PCNX4: variants seen among roughly 807,000 people sequenced by gnomAD.
PCNX4 encodes pecanex-like protein 4.
Under a neutral mutation model 107.2 loss-of-function variants are expected in PCNX4, and 103 were observed. The ratio of observed to expected loss-of-function variants is 0.96; its 90% confidence interval spans 0.82 to 1.13. PCNX4 has a LOEUF of 1.13. PCNX4 is among the 50% of genes most tolerant of loss of function. The probability of loss-of-function intolerance (pLI) is 0.00; values close to 1 mark genes in which losing one functional copy is unlikely to be tolerated. For missense variants in PCNX4, 1,528 were observed against 1,379.4 expected, an observed-to-expected ratio of 1.11 and a Z score of -1.71; for synonymous variants, 541 against 481.7, an observed-to-expected ratio of 1.12 and a Z score of -1.61.
At chr14:60,105,640 T>C (rs149609048) in intron 1 of PCNX4, among the ~76,000 whole-genome samples, 291 of 152,334 alleles carry the variant, frequency 1.9e-3, no homozygotes, top group Middle Eastern at 0.014. Context: ...TACTGCACTG[T>C]TTGGAATATA....
rs372871116 is a variant in PCNX4, at chr14:60,134,223, G to T, written c.*2G>T. ...CCTCTCCACATACATTTGTATTAGA[G>T]CTCATTTTGACTGTAATGTCATCAA... On this transcript the variant is annotated 3_prime_UTR_variant, in exon 11 of 11. Transcript: ENST00000406854. The T allele has an allele frequency of 6.8e-6, 11 of 1,612,392 alleles. No individual in the cohort carries two copies. The highest frequency in any genetic ancestry group is 9.3e-6 in the Non-Finnish European group (11 of 1,179,032).
At chr14:60,123,855 T>C (rs550887782) in intron 8 of PCNX4, among the ~76,000 whole-genome samples, 123 of 152,276 alleles carry the variant, frequency 8.1e-4, no homozygotes, top group African/African-American at 2.8e-3. Flanking sequence ...TACTGTATAA[T>C]TCTAATTTTG....
At chr14:60,103,273 G>C (rs1895567282) in intron 1 of PCNX4, among the ~76,000 whole-genome samples, 1 of 152,126 alleles carries the variant, frequency 6.6e-6, no homozygotes, top group African/African-American at 2.4e-5. Flanking sequence ...TCTGTTACTA[G>C]ATATCATGGG....
intron 1 of PCNX4, among the ~76,000 whole-genome samples, chr14:60,102,027 A>G (rs1895541829): frequency 6.6e-6 from 1 of 152,180 alleles, no homozygotes; most frequent in Non-Finnish European, 1.5e-5. Context: ...AAATAGACTA[A>G]CTCTAAATCA....
chr14:60,142,795 C>G lies in PCNX4; in HGVS notation c.*8574C>G, dbSNP rs1235616664. ...CTGGCCAACATGGTGAAACCCCCGTCTCTACTAAAAATACAAAACTTAGCC... is the reference window on the plus strand; with the variant it reads ...CTGGCCAACATGGTGAAACCCCCGTGTCTACTAAAAATACAAAACTTAGCC... On this transcript the variant is annotated 3_prime_UTR_variant, in exon 11 of 11. Transcript: ENST00000406854. The surrounding 1 kb of genome is among the most constrained non-coding windows in gnomAD (Gnocchi z 4.7). The G allele has an allele frequency of 1.3e-5, 2 of 152,264 alleles. No individual in the cohort carries two copies. Among genetic ancestry groups the G allele is most frequent in the Non-Finnish European group, 2.9e-5 (2 of 68,186 alleles). The allele number at this position is 152,264 out of a possible 1,614,324, so 9.4% of individuals were successfully genotyped here. A position where few individuals can be genotyped will look rare whatever the true frequency, so the allele number is the denominator to read the frequency against.
In PCNX4 at chr14:60,134,308, C is replaced by T; in HGVS notation, c.*87C>T. 6.8e-7 allele frequency: 1 copy of T among 1,472,090 alleles called. No individual in the cohort carries two copies. Among genetic ancestry groups the T allele is most frequent in the East Asian group, 2.3e-5 (1 of 44,138 alleles). 91.2% of individuals were successfully genotyped at this position (1,472,090 alleles called of 1,614,324 possible). A position where few individuals can be genotyped will look rare whatever the true frequency, so the allele number is the denominator to read the frequency against. On this transcript the variant is annotated 3_prime_UTR_variant, in exon 11 of 11. Transcript: ENST00000406854. ...AACTGTGATTCTTGTAACTTGAGGA[C>T]TTCTCCACACCCCCATTCAGATGCC...
At chr14:60,106,054 G>A (rs1193461543) in intron 1 of PCNX4, among the ~76,000 whole-genome samples, 1 of 152,032 alleles carries the variant, frequency 6.6e-6, no homozygotes, top group Admixed American at 6.6e-5. Context: ...TGAGCCTGAC[G>A]TCAGTGCAGG....
rs960371068 is a variant in PCNX4 at position 60,145,138 on chromosome 14, G to A, written c.*10917G>A. 5 of 632,138 alleles carry A rather than the reference G, an allele frequency of 7.9e-6. No individual in the cohort carries two copies. Among genetic ancestry groups the A allele is most frequent in the African/African-American group, 7.6e-5 (4 of 52,656 alleles). 39.2% of individuals were successfully genotyped at this position (632,138 alleles called of 1,614,324 possible). ...TTCACTATTAAGAATCTTTACAAAA[G>A]TTCAGAAACTGCTTAAATTAGAATT... On this transcript the variant is annotated 3_prime_UTR_variant, in exon 11 of 11. Coordinates refer to ENST00000406854, the MANE Select transcript of PCNX4 (RefSeq NM_001330177.2). This position sits in a 1 kb window ranked among gnomAD's most constrained non-coding sequence, Gnocchi z 4.0.
chr14:60,140,214 G>T lies in PCNX4; in HGVS notation c.*5993G>T, dbSNP rs867645154. ...ATCCTAGAGTCATCTGACAAAATAT[G>T]TGCACAACTTCATGCCAATTAGTTG... On this transcript the variant is annotated 3_prime_UTR_variant, in exon 11 of 11. Transcript: ENST00000406854. The surrounding 1 kb of genome is among the most constrained non-coding windows in gnomAD (Gnocchi z 4.2). The T allele has an allele frequency of 1.3e-5, 2 of 152,142 alleles. No individual in the cohort carries two copies. The highest frequency in any genetic ancestry group is 2.9e-5 in the Non-Finnish European group (2 of 68,022). 9.4% of individuals were successfully genotyped at this position (152,142 alleles called of 1,614,324 possible).
At chr14:60,104,332 AAAAAAAAAAAAAAAAG>A (rs1566930492) in intron 1 of PCNX4, among the ~76,000 whole-genome samples, 1 of 16,552 alleles carries the variant, frequency 6.0e-5, no homozygotes, top group African/African-American at 8.5e-5. Context: ...AAAAAAAAAA[AAAAAAAAAAAAAAAAG>A]AGCTAAAATG....
intron 1 of PCNX4, among the ~76,000 whole-genome samples, chr14:60,092,788 C>A (rs1178097584): frequency 6.6e-6 from 1 of 152,146 alleles, no homozygotes; most frequent in East Asian, 1.9e-4. Flanking sequence ...CAACTCATGG[C>A]CCCCTGAACG....
At chr14:60,129,625 A>G (rs1455423500) in intron 10 of PCNX4, among the ~76,000 whole-genome samples, 1 of 152,238 alleles carries the variant, frequency 6.6e-6, no homozygotes, top group Non-Finnish European at 1.5e-5. Context: ...TCTTAAAGGC[A>G]TAAAATTATA....
rs756534699 is a variant in PCNX4, at chr14:60,124,507, AAG to A, written c.2340_2341del (p.Asn781CysfsTer5). The A allele has an allele frequency of 1.9e-6, 3 of 1,613,668 alleles. No individual in the cohort carries two copies. Among genetic ancestry groups the A allele is most frequent in the African/African-American group, 2.7e-5 (2 of 74,902 alleles). On this transcript the variant is annotated frameshift_variant, in exon 9 of 11. Coordinates refer to ENST00000406854, the MANE Select transcript of PCNX4 (RefSeq NM_001330177.2). LOFTEE classifies it high-confidence loss of function. ...TACTGCTCCAAAAGGCCTGGCATGA[AAG>A]AGAATGTTCACAACACTGAAAATAA...
rs1195290796 is a variant in PCNX4 at position 60,139,571 on chromosome 14, G to T, written c.*5350G>T. On this transcript the variant is annotated 3_prime_UTR_variant, in exon 11 of 11. Coordinates refer to ENST00000406854, the MANE Select transcript of PCNX4 (RefSeq NM_001330177.2). ...CAGCCATGCAAAAATACGTAAATATGTAAAGATTGGAATAATACTTTAAAA... is the reference window on the plus strand; with the variant it reads ...CAGCCATGCAAAAATACGTAAATATTTAAAGATTGGAATAATACTTTAAAA... The T allele has an allele frequency of 2.6e-5, 4 of 152,018 alleles. No individual in the cohort carries two copies. Among genetic ancestry groups the T allele is most frequent in the African/African-American group, 9.7e-5 (4 of 41,408 alleles). The allele number at this position is 152,018 out of a possible 1,614,324, so 9.4% of individuals were successfully genotyped here.
rs757512982 is a variant in PCNX4, at chr14:60,118,313, T to C, written c.1579-16T>C. On this transcript the variant is annotated splice_polypyrimidine_tract_variant and intron_variant, in intron 6 of 10. Transcript: ENST00000406854. Reference sequence around the variant, plus strand: ...TCTTCTAAGGATAAATAAAAATAATTTTTACATTTCTACAGGTTGGTATCA... The same window carrying C: ...TCTTCTAAGGATAAATAAAAATAATCTTTACATTTCTACAGGTTGGTATCA... The C allele has an allele frequency of 6.5e-7, 1 of 1,548,282 alleles. No individual in the cohort carries two copies. The highest frequency in any genetic ancestry group is 1.2e-5 in the South Asian group (1 of 81,644).
intron 1 of PCNX4, among the ~76,000 whole-genome samples, chr14:60,099,262 T>C (rs150577577): frequency 5.9e-5 from 9 of 152,328 alleles, no homozygotes; most frequent in Middle Eastern, 3.4e-3. Flanking sequence ...TTTTCCGTTT[T>C]CCAAATTACT....
At chr14:60,103,953 A>G (rs774239730) in intron 1 of PCNX4, among the ~76,000 whole-genome samples, 29 of 152,194 alleles carry the variant, frequency 1.9e-4, no homozygotes, top group African/African-American at 6.0e-4. Context: ...TACTTTCCAA[A>G]CATTTTAAAA....
intron 10 of PCNX4, among the ~76,000 whole-genome samples, chr14:60,127,114 C>T (rs1377884175): frequency 6.6e-6 from 1 of 152,110 alleles, no homozygotes; most frequent in Admixed American, 6.5e-5. Flanking sequence ...CCAAAATGTT[C>T]TTGAAAACAA....
At chr14:60,126,417 A>G (rs1399167274) in intron 10 of PCNX4, among the ~76,000 whole-genome samples, 2 of 152,220 alleles carry the variant, frequency 1.3e-5, no homozygotes, top group Non-Finnish European at 2.9e-5. Context: ...TGCACTCCCT[A>G]GTGAAACTGA....
Sources: gnomAD v4.1 joint callset for allele counts (sites outside exome capture counted in the v4.1 genomes callset) on GRCh38, gnomAD v4.1.1 for gene constraint, Gnocchi (gnomAD v3.1) non-coding constraint, MANE v1.5 for transcripts, NCBI Gene and HGNC (gene_info 2026-07-23, HGNC 2026-07-21) for gene names.